Variants in CSMD2 observed in about 807,000 individuals in gnomAD.
The protein encoded by CSMD2 is CUB and Sushi multiple domains 2, also known as CUB and sushi domain-containing protein 2.
A neutral mutation model predicts 398.5 loss-of-function variants in CSMD2; 130 were observed. The observed-to-expected ratio is 0.33, with a 90% CI of 0.28 to 0.38. The LOEUF is 0.38. CSMD2 is among the 10% of genes least tolerant of loss of function. The pLI, the probability that CSMD2 is intolerant of heterozygous loss-of-function variation, is 1.00. For missense variants in CSMD2, 3,829 were observed against 4,764.9 expected (o/e 0.80, Z 5.78); for synonymous variants, 1,828 against 1,908.5 (o/e 0.96, Z 1.10).
At chr1:34,006,341 C>T (rs1475540841) in intron 3 of CSMD2, among the ~76,000 whole-genome samples, 5 of 152,152 alleles carry the variant, frequency 3.3e-5, no homozygotes, top group Admixed American at 2.6e-4. Flanking sequence ...ACCCCACCTA[C>T]ACCTGCTTCT....
chr1:34,110,587 T>C (rs951080330), intron 1 of CSMD2, among the ~76,000 whole-genome samples: 6 of 152,098 alleles, frequency 3.9e-5, no homozygotes, highest in African/African-American at 1.4e-4. Context: ...CATCTTAAGC[T>C]AGAAGTCATT....
At chr1:33,710,555 C>T (rs1016297075) in intron 21 of CSMD2, among the ~76,000 whole-genome samples, 1 of 152,178 alleles carries the variant, frequency 6.6e-6, no homozygotes, top group African/African-American at 2.4e-5. Context: ...GAATTTGGAG[C>T]ATGCCTTGAA....
rs143486777 is a variant in CSMD2, at chr1:34,048,208, AATG to A, written c.405-15505_405-15503del. 6.3e-3 allele frequency among the ~76,000 whole-genome samples: 961 copies of A among 152,316 alleles called. 10 individuals are homozygous for A. The highest frequency in any genetic ancestry group is 0.022 in the African/African-American group (919 of 41,560). Reference sequence around the variant, plus strand: ...CAGTGGCTATGCAGCAGCTGATAATAATGATGATGTTTGTTATTAACCCGTGCA... The same window carrying A: ...CAGTGGCTATGCAGCAGCTGATAATAATGATGTTTGTTATTAACCCGTGCA... On this transcript the variant is annotated intron_variant, in intron 2 of 70. Coordinates refer to ENST00000373381, the MANE Select transcript of CSMD2 (RefSeq NM_001281956.2).
intron 14 of CSMD2, among the ~76,000 whole-genome samples, chr1:33,743,005 G>GAGGTTCC (rs1332519902): frequency 6.6e-6 from 1 of 152,196 alleles, no homozygotes; most frequent in Non-Finnish European, 1.5e-5. Context: ...GGGCAAAAAT[G>GAGGTTCC]AGGTTCCAGG....
chr1:34,020,561 G>A (rs1013774490), intron 3 of CSMD2, among the ~76,000 whole-genome samples: 1 of 152,132 alleles, frequency 6.6e-6, no homozygotes, highest in Non-Finnish European at 1.5e-5. Context: ...CCTGCTGTGG[G>A]GTAGGGGTAG....
chr1:33,911,126 C>T (rs1387169075), intron 5 of CSMD2, among the ~76,000 whole-genome samples: 5 of 152,212 alleles, frequency 3.3e-5, no homozygotes, highest in Non-Finnish European at 7.3e-5. Context: ...TAAATAACTC[C>T]TTAGGAACCC....
chr1:33,894,120 G>A (rs1201872878), intron 5 of CSMD2, among the ~76,000 whole-genome samples: 1 of 152,176 alleles, frequency 6.6e-6, no homozygotes, highest in Non-Finnish European at 1.5e-5. Context: ...GGTTTCTGTG[G>A]ATTCACTCAA....
At chr1:33,879,652 C>G (rs1029569309) in intron 5 of CSMD2, among the ~76,000 whole-genome samples, 3 of 152,302 alleles carry the variant, frequency 2.0e-5, no homozygotes, top group African/African-American at 7.2e-5. Context: ...CTCCCCCATT[C>G]CTGCTCTAAC....
At chr1:33,732,156 AAAAG>A (rs1646741756) in intron 15 of CSMD2, among the ~76,000 whole-genome samples, 2 of 152,208 alleles carry the variant, frequency 1.3e-5, no homozygotes, top group South Asian at 4.1e-4. Context: ...AAAAGAAGGA[AAAAG>A]AAGGAAGGAT....
intron 3 of CSMD2, among the ~76,000 whole-genome samples, chr1:34,018,832 A>C (rs1464779048): frequency 6.6e-6 from 1 of 152,222 alleles, no homozygotes; most frequent in Non-Finnish European, 1.5e-5. Context: ...TTTATTGTGC[A>C]GAACTTTTAC....
Position 33,790,841 on chromosome 1 carries a change from C to G in CSMD2, c.1550+1582G>C, listed in dbSNP as rs182615710. ...TCTATCTATCTATCTATCTATCTAT[C>G]TATCATCTATCTATCTATCTCTATC... is the stretch of plus-strand genomic sequence containing the variant. On this transcript the variant is annotated intron_variant, in intron 11 of 70. Transcript: ENST00000373381. Among the ~76,000 whole-genome samples, 154 of 151,520 alleles carry G rather than the reference C, an allele frequency of 1.0e-3. 1 individual carries two copies. Among genetic ancestry groups the G allele is most frequent in the African/African-American group, 3.7e-3 (151 of 41,336 alleles).
intron 1 of CSMD2, among the ~76,000 whole-genome samples, chr1:34,113,479 A>G (rs1384814): frequency 0.016 from 2,426 of 152,332 alleles, 63 homozygotes; most frequent in African/African-American, 0.055. Context: ...CACATGCCCC[A>G]TGGTCACTTG....
rs150374664 is a variant in CSMD2 at position 34,120,799 on chromosome 1, C to T, written c.188-31606G>A. Among the ~76,000 whole-genome samples the T allele has an allele frequency of 9.0e-4, 137 of 152,308 alleles. No individual in the cohort carries two copies. The East Asian group carries it at 0.024, about 26-fold the overall frequency. ...ATCTCAGGCGATCTGCCCACCTCAG[C>T]CTCCCAAAGTGCTGGGATTACAGGC... On this transcript the variant is annotated intron_variant, in intron 1 of 70. Transcript: ENST00000373381.
At position 33,537,311 on chromosome 1, in the gene CSMD2, G is replaced by T. The variant is rs773835639; in HGVS notation, c.9805+125C>A. On this transcript the variant is annotated intron_variant, in intron 61 of 70. Transcript: ENST00000373381. This position sits in a 1 kb window ranked among gnomAD's most constrained non-coding sequence, Gnocchi z 4.6. ...TACATCCTGCTGCAGAAGCTCAGAG[G>T]ATGAGATGTTCCCTTTTGCAGATGA... 305 of 1,185,610 alleles carry T rather than the reference G, an allele frequency of 2.6e-4. No individual in the cohort carries two copies. The highest frequency in any genetic ancestry group is 3.4e-4 in the Non-Finnish European group (284 of 825,628). The allele number at this position is 1,185,610 out of a possible 1,614,324, so 73.4% of individuals were successfully genotyped here. A position where few individuals can be genotyped will look rare whatever the true frequency, so the allele number is the denominator to read the frequency against.
chr1:33,600,454 T>G, intron 44 of CSMD2: 1 of 542,326 alleles, frequency 1.8e-6, no homozygotes, highest in South Asian at 2.5e-5. Flanking sequence ...ATATCTTCAT[T>G]TGTGCACAAA....
intron 13 of CSMD2, among the ~76,000 whole-genome samples, chr1:33,752,512 G>A (rs916658856): frequency 9.2e-5 from 14 of 152,152 alleles, no homozygotes; most frequent in African/African-American, 1.2e-4. Flanking sequence ...GCAGAACCAC[G>A]AGCCAAATCA....
intron 42 of CSMD2, among the ~76,000 whole-genome samples, chr1:33,603,960 T>C (rs571399708): frequency 4.6e-5 from 7 of 152,260 alleles, no homozygotes; most frequent in Admixed American, 4.6e-4. Flanking sequence ...TCTGCAAGAC[T>C]GGAGAATATG....
At chr1:33,651,376 T>C (rs1384294359) in intron 28 of CSMD2, among the ~76,000 whole-genome samples, 2 of 152,172 alleles carry the variant, frequency 1.3e-5, no homozygotes, top group Admixed American at 6.5e-5. Flanking sequence ...AAAAATATGC[T>C]TGATTTTGTA....
At chr1:33,920,412 C>T (rs1643896686) in intron 4 of CSMD2, among the ~76,000 whole-genome samples, 1 of 150,324 alleles carries the variant, frequency 6.7e-6, no homozygotes, top group Non-Finnish European at 1.5e-5. Context: ...TGTGGTGGCG[C>T]ACATCTGTAG....
Sources: gnomAD v4.1 joint callset for allele counts (sites outside exome capture counted in the v4.1 genomes callset) on GRCh38, gnomAD v4.1.1 for gene constraint, Gnocchi (gnomAD v3.1) non-coding constraint, MANE v1.5 for transcripts, NCBI Gene and HGNC (gene_info 2026-07-23, HGNC 2026-07-21) for gene names.